The following PDE10A variants were observed in gnomAD, a reference collection of about 807,000 sequenced individuals.
The protein encoded by PDE10A is phosphodiesterase 10A.
PDE10A carries 39 observed loss-of-function variants against 97.7 expected under a neutral mutation model. The observed-to-expected ratio is 0.40, with a 90% CI of 0.31 to 0.52. The LOEUF (loss-of-function observed/expected upper bound fraction) is 0.52. PDE10A is among the 20% of genes least tolerant of loss of function. The pLI, the probability that PDE10A is intolerant of heterozygous loss-of-function variation, is 0.56. For synonymous variants in PDE10A, 371 were observed against 376.8 expected (o/e 0.98, Z 0.18); for missense variants, 731 against 1,047.8 (o/e 0.70, Z 4.17).
intron 4 of PDE10A, among the ~76,000 whole-genome samples, chr6:165,449,206 A>G (rs1412684129): frequency 6.6e-6 from 1 of 152,226 alleles, no homozygotes; most frequent in Non-Finnish European, 1.5e-5. Context: ...GATATGCTCA[A>G]ATGCATATAG....
At chr6:165,377,529 T>C (rs1784682260) in intron 18 of PDE10A, among the ~76,000 whole-genome samples, 1 of 152,150 alleles carries the variant, frequency 6.6e-6, no homozygotes. Context: ...ACCAAAAGTG[T>C]TGTTATTTTT....
chr6:165,986,513 GTCTCTCTC>G (rs55892857), intron 1 of PDE10A: 78 of 146,146 alleles, frequency 5.3e-4, no homozygotes, highest in African/African-American at 1.2e-3. Flanking sequence ...CTCTCTCTCT[GTCTCTCTC>G]TCTCTCTCTC....
chr6:165,736,455 A>T (rs1792577238), intron 1 of PDE10A, among the ~76,000 whole-genome samples: 1 of 152,184 alleles, frequency 6.6e-6, no homozygotes, highest in Non-Finnish European at 1.5e-5. Context: ...TGGGGGAAGG[A>T]GAGTGAAGTG....
At position 165,433,015 on chromosome 6, in the gene PDE10A, G is replaced by A. The variant is rs1332740547; in HGVS notation, c.1450C>T (p.Arg484Trp). ...CAGAAGGCTTCTTTGCCCCAGTGCC[G>A]ATACAGCTCGAGAATACCAATCAAG... is the stretch of plus-strand genomic sequence containing the variant. ...GDLIGILELY[R>W]HWGKEAFCLS... Residue 484 changes from arginine to tryptophan, a missense_variant, in exon 7 of 22, where the codon CGG (arginine) becomes TGG (tryptophan). This residue lies in a region of PDE10A where 152 missense variants were observed against 199.3 expected (regional missense o/e 0.76). Coordinates refer to ENST00000539869, the MANE Select transcript of PDE10A (RefSeq NM_001385079.1). 3 of 1,613,832 alleles carry A rather than the reference G, an allele frequency of 1.9e-6. No individual in the cohort carries two copies. The highest frequency in any genetic ancestry group is 2.5e-6 in the Non-Finnish European group (3 of 1,179,840).
intron 1 of PDE10A, among the ~76,000 whole-genome samples, chr6:165,651,814 A>C (rs1789700467): frequency 6.6e-6 from 1 of 152,218 alleles, no homozygotes; most frequent in Non-Finnish European, 1.5e-5. Context: ...TTTGGAATCT[A>C]TCCTGGAGGT....
intron 2 of PDE10A, among the ~76,000 whole-genome samples, chr6:165,502,256 T>C (rs962690485): frequency 6.6e-6 from 1 of 152,084 alleles, no homozygotes; most frequent in Non-Finnish European, 1.5e-5. Context: ...AAAGAAAAAA[T>C]TGATAGAACA....
At chr6:165,883,144 G>C (rs951587709) in intron 1 of PDE10A, among the ~76,000 whole-genome samples, 2 of 152,220 alleles carry the variant, frequency 1.3e-5, no homozygotes. Context: ...GCTGAGACAG[G>C]AGAATTGCTT....
chr6:165,605,457 C>T (rs1029559742), intron 1 of PDE10A, among the ~76,000 whole-genome samples: 19 of 152,114 alleles, frequency 1.2e-4, no homozygotes, highest in African/African-American at 3.9e-4. Flanking sequence ...CAATGTTTCA[C>T]AGTTTGTTCA....
intron 3 of PDE10A, among the ~76,000 whole-genome samples, chr6:165,473,550 C>T (rs1338578314): frequency 6.6e-6 from 1 of 152,072 alleles, no homozygotes; most frequent in Non-Finnish European, 1.5e-5. Flanking sequence ...CACATAACCT[C>T]CGTCTTCTCA....
chr6:165,799,515 T>C (rs1448871516), intron 1 of PDE10A, among the ~76,000 whole-genome samples: 1 of 152,214 alleles, frequency 6.6e-6, no homozygotes, highest in Non-Finnish European at 1.5e-5. Flanking sequence ...TTTTCTGTTT[T>C]GGATTGTCTA....
At chr6:165,559,871 C>T (rs368140316) in intron 1 of PDE10A, among the ~76,000 whole-genome samples, 14 of 152,226 alleles carry the variant, frequency 9.2e-5, no homozygotes, top group African/African-American at 2.4e-4. Context: ...TCTCTCTTGC[C>T]GCCGCCATGT....
intron 18 of PDE10A, among the ~76,000 whole-genome samples, chr6:165,361,749 C>G (rs1361227184): frequency 2.6e-5 from 4 of 152,176 alleles, no homozygotes; most frequent in Non-Finnish European, 2.9e-5. Context: ...TTGCCAGTAT[C>G]TGTTAAAAAG....
intron 12 of PDE10A, among the ~76,000 whole-genome samples, chr6:165,414,058 G>C (rs1788119757): frequency 6.6e-6 from 1 of 152,154 alleles, no homozygotes; most frequent in South Asian, 2.1e-4. Flanking sequence ...CTTTGAAGTT[G>C]ATCGTGTTTA....
intron 3 of PDE10A, among the ~76,000 whole-genome samples, chr6:165,460,162 C>A (rs1020525776): frequency 1.3e-5 from 2 of 152,196 alleles, no homozygotes; most frequent in African/African-American, 2.4e-5. Context: ...AAGCTGCGAG[C>A]CTTCTGCCTG....
At chr6:165,468,250 T>A (rs906750981) in intron 3 of PDE10A, among the ~76,000 whole-genome samples, 5 of 151,656 alleles carry the variant, frequency 3.3e-5, no homozygotes, top group African/African-American at 4.8e-5. Context: ...GGCTAATTTT[T>A]TTTTATTTTT....
At chr6:165,558,529 T>C (rs1280027053) in intron 1 of PDE10A, among the ~76,000 whole-genome samples, 1 of 152,114 alleles carries the variant, frequency 6.6e-6, no homozygotes, top group Admixed American at 6.5e-5. Context: ...ACAGAATACA[T>C]AGGTTTTCTA....
chr6:165,836,760 C>T (rs958142292), intron 1 of PDE10A, among the ~76,000 whole-genome samples: 17 of 152,056 alleles, frequency 1.1e-4, no homozygotes, highest in Non-Finnish European at 4.4e-5. Flanking sequence ...TCCCATGGTA[C>T]CTCTGAATTC....
intron 1 of PDE10A, among the ~76,000 whole-genome samples, chr6:165,715,911 C>A (rs1349355340): frequency 6.6e-6 from 1 of 152,228 alleles, no homozygotes; most frequent in East Asian, 1.9e-4. Context: ...ACCAGACAGT[C>A]AGGTCTCCTC....
At position 165,819,008 on chromosome 6, in the gene PDE10A, C is replaced by T. The variant is rs1779494118; in HGVS notation, c.-615+168521G>A. On this transcript the variant is annotated intron_variant, in intron 1 of 19. Coordinates refer to the PDE10A transcript ENST00000366882. The surrounding 1 kb of genome is among the most constrained non-coding windows in gnomAD (Gnocchi z 4.2). ...AAAATGTAAGGGGTTGAACACGAAGCTTGAAGTGTGGCTAAAAATATGTAC... is the reference window on the plus strand; with the variant it reads ...AAAATGTAAGGGGTTGAACACGAAGTTTGAAGTGTGGCTAAAAATATGTAC... Among the ~76,000 whole-genome samples, 1 of 152,202 alleles carries T rather than the reference C, an allele frequency of 6.6e-6. No homozygotes were observed. The highest frequency in any genetic ancestry group is 2.4e-5 in the African/African-American group (1 of 41,456).
Sources: allele counts gnomAD v4.1 joint callset (sites outside exome capture counted in the v4.1 genomes callset), GRCh38; gene constraint gnomAD v4.1.1; regional missense constraint gnomAD v4.1.1; non-coding constraint Gnocchi (gnomAD v3.1); transcripts MANE v1.5; gene names NCBI Gene and HGNC (gene_info 2026-07-23, HGNC 2026-07-21).